Variants in GLIPR1L1 observed in about 807,000 individuals in gnomAD.
GLIPR1L1 encodes the protein GLIPR1-like protein 1.
In GLIPR1L1, 26 loss-of-function variants were observed where a neutral mutation model predicts 29.9. The observed-to-expected ratio is 0.87, with a 90% confidence interval of 0.64 to 1.21. The LOEUF (loss-of-function observed/expected upper bound fraction) is 1.21, where lower values mean the gene tolerates loss of function less well. Ranked by LOEUF, GLIPR1L1 falls within the 50% of genes most tolerant of loss-of-function variation. The pLI, the probability that GLIPR1L1 is intolerant of heterozygous loss-of-function variation, is 0.00. For missense variants in GLIPR1L1, 305 were observed against 290.3 expected (o/e 1.05, Z -0.37); for synonymous variants, 77 against 97.5 (o/e 0.79, Z 1.24).
intron 1 of GLIPR1L1, among the ~76,000 whole-genome samples, chr12:75,335,591 C>A (rs183742565): frequency 6.6e-6 from 1 of 152,136 alleles, no homozygotes; most frequent in Non-Finnish European, 1.5e-5. Context: ...TAACTCATAT[C>A]TATTCCAGCT....
Position 75,370,485 on chromosome 12 carries a change from T to C in GLIPR1L1, c.*309T>C, listed in dbSNP as rs932592386. Reference sequence around the variant, plus strand: ...GTACATTTAGAGAACTAAAGACTTTTCACATATCAAATAGTTTCCTTAGAT... The same window carrying C: ...GTACATTTAGAGAACTAAAGACTTTCCACATATCAAATAGTTTCCTTAGAT... On this transcript the variant is annotated 3_prime_UTR_variant, in exon 6 of 6. Coordinates refer to ENST00000378695, the MANE Select transcript of GLIPR1L1 (RefSeq NM_001304964.2). The C allele has an allele frequency of 4.7e-5, 9 of 191,274 alleles. No homozygotes were observed. Among genetic ancestry groups the C allele is most frequent in the Admixed American group, 4.5e-4 (8 of 17,948 alleles). 11.8% of individuals were successfully genotyped at this position (191,274 alleles called of 1,614,324 possible).
chr12:75,365,348 A>G (rs933456104), intron 4 of GLIPR1L1: 1 of 152,192 alleles, frequency 6.6e-6, no homozygotes, highest in Non-Finnish European at 1.5e-5. Context: ...CAGAAAAAGG[A>G]AAGTATTCAT....
At chr12:75,361,899 A>G (rs1382751011) in intron 3 of GLIPR1L1, among the ~76,000 whole-genome samples, 1 of 152,158 alleles carries the variant, frequency 6.6e-6, no homozygotes, top group Admixed American at 6.6e-5. Flanking sequence ...ATATCAATAG[A>G]CCTAAATGTA....
chr12:75,370,339 G>C lies in GLIPR1L1; in HGVS notation c.*163G>C. On this transcript the variant is annotated 3_prime_UTR_variant, in exon 6 of 6. Coordinates refer to ENST00000378695, the MANE Select transcript of GLIPR1L1 (RefSeq NM_001304964.2). Reference sequence around the variant, plus strand: ...TAACTCAAAAAATGTACTGTAGTATGGAAAATGGATAGCAGTAGAATAAAG... The same window carrying C: ...TAACTCAAAAAATGTACTGTAGTATCGAAAATGGATAGCAGTAGAATAAAG... The C allele has an allele frequency of 2.0e-6, 1 of 512,768 alleles. No homozygotes were observed. Among genetic ancestry groups the C allele is most frequent in the Admixed American group, 3.3e-5 (1 of 30,636 alleles). The allele number at this position is 512,768 out of a possible 1,614,324, so 31.8% of individuals were successfully genotyped here.
chr12:75,360,138 T>C (rs2043471027), intron 3 of GLIPR1L1: 1 of 152,086 alleles, frequency 6.6e-6, no homozygotes, highest in African/African-American at 2.4e-5. Flanking sequence ...ATGTGGAGAT[T>C]ATAGTTCCCT....
chr12:75,341,502 A>G (rs1403046911), intron 1 of GLIPR1L1, among the ~76,000 whole-genome samples: 1 of 152,032 alleles, frequency 6.6e-6, no homozygotes, highest in African/African-American at 2.4e-5. Context: ...GCTGGAATGC[A>G]GTGGCGCTGT....
At chr12:75,341,747 CTTT>C (rs1185408752) in intron 1 of GLIPR1L1, among the ~76,000 whole-genome samples, 2 of 83,418 alleles carry the variant, frequency 2.4e-5, no homozygotes, top group African/African-American at 1.1e-4. Context: ...CGCCCGGCCT[CTTT>C]TTTTTTTTTT....
chr12:75,343,862 C>A lies in GLIPR1L1; in HGVS notation c.344C>A (p.Thr115Lys), dbSNP rs180934864. ...IKSFTPRHAI[T>K]AWYNETQFYD... ...TCATTCACACCAAGACATGCCATTA[C>A]GGCTTGGTATAATGAAACCCAATTT... Residue 115 changes from threonine (T) to lysine (K), a missense_variant, in exon 2 of 6, where the codon ACG becomes AAG. By Grantham distance (78) the Thr-to-Lys change is moderately conservative (BLOSUM62 -1). Transcript: ENST00000378695. 3.1e-6 allele frequency: 5 copies of A among 1,611,538 alleles called. No homozygotes were observed. The highest frequency in any genetic ancestry group is 2.2e-5 in the East Asian group (1 of 44,776).
intron 2 of GLIPR1L1, among the ~76,000 whole-genome samples, 165 bp downstream of exon 2, chr12:75,344,103 GTA>G (rs1593693803): frequency 6.6e-6 from 1 of 151,900 alleles, no homozygotes; most frequent in East Asian, 1.9e-4. Flanking sequence ...AAAGTTTTCT[GTA>G]TGTTTCTTGT....
chr12:75,347,646 G>A lies in GLIPR1L1; in HGVS notation c.445G>A (p.Val149Ile). 1 of 1,608,200 alleles carries A rather than the reference G, an allele frequency of 6.2e-7. No individual in the cohort carries two copies. The highest frequency in any genetic ancestry group is 8.5e-7 in the Non-Finnish European group (1 of 1,176,194). ...GTTAGTTTGGGCCAATTCATTTTATGTCGGTTGTGCAGTTGCAATGTGTCC... is the reference window on the plus strand; with the variant it reads ...GTTAGTTTGGGCCAATTCATTTTATATCGGTTGTGCAGTTGCAATGTGTCC... ...TQLVWANSFY[V>I]GCAVAMCPNL... is the part of the protein sequence containing the mutation. The change falls in exon 3 of 6, where the codon GTC becomes ATC. Residue 149 changes from valine (V) to isoleucine (I), a missense_variant. Transcript: ENST00000378695.
At chr12:75,367,773 A>C (rs1362399007) in intron 4 of GLIPR1L1, among the ~76,000 whole-genome samples, 6 of 152,092 alleles carry the variant, frequency 3.9e-5, no homozygotes, top group African/African-American at 1.4e-4. Flanking sequence ...TCTTTCTTCT[A>C]ATCTTTATAT....
At chr12:75,345,497 A>T (rs1414961966) in intron 2 of GLIPR1L1, among the ~76,000 whole-genome samples, 1 of 152,150 alleles carries the variant, frequency 6.6e-6, no homozygotes, top group African/African-American at 2.4e-5. Flanking sequence ...ACCCATTTGT[A>T]TAAGTTGAAT....
intron 2 of GLIPR1L1, among the ~76,000 whole-genome samples, chr12:75,345,308 T>C (rs1202808195): frequency 4.6e-5 from 7 of 152,160 alleles, no homozygotes. Flanking sequence ...TTGTGTTGCC[T>C]AATGTCTTGA....
At chr12:75,358,502 A>T (rs868006928) in intron 3 of GLIPR1L1, among the ~76,000 whole-genome samples, 5 of 151,262 alleles carry the variant, frequency 3.3e-5, no homozygotes, top group African/African-American at 9.7e-5. Flanking sequence ...CCAAACATTC[A>T]TTCCTGATGA....
At position 75,343,906 on chromosome 12, in the gene GLIPR1L1, T is replaced by C. The variant is rs1005258219; in HGVS notation, c.388T>C (p.Ser130Pro). The C allele has an allele frequency of 7.4e-6, 12 of 1,611,326 alleles. No homozygotes were observed. Among genetic ancestry groups the C allele is most frequent in the African/African-American group, 1.3e-5 (1 of 74,862 alleles). ...ETQFYDFDSL[S>P]CSRVCGHYTQ... is the part of the protein sequence containing the mutation. ...CCAATTTTATGATTTTGATAGTCTA[T>C]CATGCTCCAGAGTCTGTGGCCATTA... Residue 130 changes from serine (S) to proline (P), a missense_variant, in exon 2 of 6, where the codon TCA becomes CCA. Transcript: ENST00000378695.
In GLIPR1L1 at chr12:75,334,862, G is replaced by A. The variant is rs1165199750; in HGVS notation, c.134G>A (p.Arg45His). ...TGCATAGAAGCCCACAACGAATGGC[G>A]TGGCAAAGTCAACCCTCCCGCGGCC... ...DNCIEAHNEW[R>H]GKVNPPAADM... is the part of the protein sequence containing the mutation. The change falls in exon 1 of 6, where the codon CGT (arginine) becomes CAT (histidine). Residue 45 changes from arginine to histidine, a missense_variant. Physicochemically the swap from Arg to His is conservative, Grantham distance 29. Transcript: ENST00000378695. 3.7e-6 allele frequency: 6 copies of A among 1,614,002 alleles called. No individual in the cohort carries two copies. In the Admixed American group the frequency reaches 1.0e-4, roughly 27 times the overall value.
At chr12:75,354,408 A>C (rs2043015728) in intron 3 of GLIPR1L1, among the ~76,000 whole-genome samples, 1 of 152,166 alleles carries the variant, frequency 6.6e-6, no homozygotes, top group Non-Finnish European at 1.5e-5. Context: ...TAAGATACCT[A>C]GGAATACAGC....
At chr12:75,359,356 T>TA (rs2043398016) in intron 3 of GLIPR1L1, among the ~76,000 whole-genome samples, 1 of 132,822 alleles carries the variant, frequency 7.5e-6, no homozygotes, top group Non-Finnish European at 1.6e-5. Context: ...AGCATTGTTG[T>TA]CTTTTTTTTT....
At chr12:75,368,353 T>A (rs1435799619) in intron 4 of GLIPR1L1, among the ~76,000 whole-genome samples, 1 of 151,810 alleles carries the variant, frequency 6.6e-6, no homozygotes, top group Non-Finnish European at 1.5e-5. Flanking sequence ...GAATACATGT[T>A]AACTTTAACA....
Sources: allele counts gnomAD v4.1 joint callset (sites outside exome capture counted in the v4.1 genomes callset), GRCh38; gene constraint gnomAD v4.1.1; transcripts MANE v1.5; gene names NCBI Gene and HGNC (gene_info 2026-07-23, HGNC 2026-07-21).